The following INTU variants were observed in gnomAD, a reference collection of about 807,000 sequenced individuals.
INTU encodes the protein inturned planar cell polarity protein.
INTU carries 68 observed loss-of-function variants against 100.5 expected under a neutral mutation model. The ratio of observed to expected loss-of-function variants is 0.68; its 90% CI spans 0.56 to 0.83. The LOEUF (loss-of-function observed/expected upper bound fraction) is 0.83, where lower values mean the gene tolerates loss of function less well. INTU is among the 40% of genes least tolerant of loss of function. The pLI, the probability that INTU is intolerant of heterozygous loss-of-function variation, is 0.00. For synonymous variants in INTU, 357 were observed against 395.7 expected (o/e 0.90, Z 1.16); for missense variants, 1,071 against 1,114.7 (o/e 0.96, Z 0.56).
At chr4:127,657,289 T>G (rs1728275845) in intron 3 of INTU, among the ~76,000 whole-genome samples, 1 of 152,212 alleles carries the variant, frequency 6.6e-6, no homozygotes, top group Non-Finnish European at 1.5e-5. Flanking sequence ...ATTGACATTG[T>G]GTATCGTAGA....
chr4:127,716,473 G>T lies in INTU; in HGVS notation c.*37G>T. The T allele has an allele frequency of 1.1e-6, 1 of 939,370 alleles. No individual in the cohort carries two copies. The allele number at this position is 939,370 out of a possible 1,614,324, so 58.2% of individuals were successfully genotyped here. A position where few individuals can be genotyped will look rare whatever the true frequency, so the allele number is the denominator to read the frequency against. ...TGATGCGTAGAAACACGTGCATGGA[G>T]GATCAAACACTGTCAGAATTGCTGA... On this transcript the variant is annotated 3_prime_UTR_variant, in exon 16 of 16. Transcript: ENST00000335251.
chr4:127,676,880 C>T (rs1173069070), intron 6 of INTU, among the ~76,000 whole-genome samples: 2 of 152,114 alleles, frequency 1.3e-5, no homozygotes, highest in Admixed American at 6.5e-5. Context: ...CCTGGAAAAT[C>T]GGGTCACTCC....
At chr4:127,645,038 G>A (rs971146507) in intron 2 of INTU, among the ~76,000 whole-genome samples, 3 of 152,216 alleles carry the variant, frequency 2.0e-5, no homozygotes, top group Non-Finnish European at 4.4e-5. Context: ...GCTCCTCACT[G>A]TCTGATAAGT....
rs1373833676 is a variant in INTU at position 127,684,501 on chromosome 4, A to C, written c.1259+15A>C. 6.7e-6 allele frequency: 9 copies of C among 1,344,034 alleles called. No homozygotes were observed. The Admixed American group carries it at 1.8e-4, about 27-fold the overall frequency. The allele number at this position is 1,344,034 out of a possible 1,614,324, so 83.3% of individuals were successfully genotyped here. On this transcript the variant is annotated intron_variant, in intron 7 of 15. Coordinates refer to ENST00000335251, the MANE Select transcript of INTU (RefSeq NM_015693.4). Reference sequence around the variant, plus strand: ...TCTTTAGATAGGTAAGTACTTCTTCAAATTGAATCTCAAGTTTTAATTATG... The same window carrying C: ...TCTTTAGATAGGTAAGTACTTCTTCCAATTGAATCTCAAGTTTTAATTATG...
At chr4:127,641,595 T>C (rs1424320592) in intron 1 of INTU, among the ~76,000 whole-genome samples, 1 of 152,080 alleles carries the variant, frequency 6.6e-6, no homozygotes, top group Non-Finnish European at 1.5e-5. Context: ...GACTCTCCCG[T>C]ATGGCTAAGC....
At chr4:127,677,422 A>G (rs1411991523) in intron 6 of INTU, among the ~76,000 whole-genome samples, 5 of 150,264 alleles carry the variant, frequency 3.3e-5, no homozygotes, top group Admixed American at 1.3e-4. Context: ...GAACGATCAG[A>G]CAGCAGCATT....
In INTU at chr4:127,723,443, C is replaced by T. The variant is rs1731376027; in HGVS notation, c.*7007C>T. The T allele has an allele frequency of 7.0e-6, 1 of 142,136 alleles. No individual in the cohort carries two copies. The highest frequency in any genetic ancestry group is 1.5e-5 in the Non-Finnish European group (1 of 66,474). 8.8% of individuals were successfully genotyped at this position (142,136 alleles called of 1,614,324 possible). A position where few individuals can be genotyped will look rare whatever the true frequency, so the allele number is the denominator to read the frequency against. The stretch of plus-strand genomic sequence containing the variant: ...TGGTCACCTCCTAAATTAGTAATGT[C>T]CAAGTACTTATTCCTTATCAGATAC... On this transcript the variant is annotated 3_prime_UTR_variant, in exon 16 of 16. Coordinates refer to ENST00000335251, the MANE Select transcript of INTU (RefSeq NM_015693.4).
chr4:127,687,817 T>C lies in INTU; in HGVS notation c.1399T>C (p.Leu467=), dbSNP rs1175924165. 2 of 1,606,458 alleles carry C rather than the reference T, an allele frequency of 1.2e-6. No individual in the cohort carries two copies. The highest frequency in any genetic ancestry group is 1.7e-6 in the Non-Finnish European group (2 of 1,175,200). ...QQYDASSAVL[L]DNLPGVRWLT... ...GTACGATGCTTCCAGTGCAGTACTT[T>C]TAGACAACCTCCCTGGAGTCCGGTG... The change falls in exon 8 of 16, where the codon TTA becomes CTA. Residue 467 remains leucine (L), a synonymous_variant. Coordinates refer to ENST00000335251, the MANE Select transcript of INTU (RefSeq NM_015693.4).
In INTU at chr4:127,705,658, AT is replaced by A; in HGVS notation, c.1636del (p.Cys546AlafsTer5). The A allele has an allele frequency of 6.2e-7, 1 of 1,613,946 alleles. No homozygotes were observed. Among genetic ancestry groups the A allele is most frequent in the South Asian group, 1.1e-5 (1 of 91,084 alleles). ...GATATTGCCGTATACTGTCGCCACT[AT>A]TGCCTGCTGCCTTTAGCAGCAAAAC... is the stretch of plus-strand genomic sequence containing the variant. ...LIDIAVYCRH[Y>X]CLLPLAAKQR... On this transcript the variant is annotated frameshift_variant, in exon 11 of 16. Coordinates refer to ENST00000335251, the MANE Select transcript of INTU (RefSeq NM_015693.4). LOFTEE classifies it high-confidence loss of function.
chr4:127,670,735 CA>C, intron 5 of INTU, among the ~76,000 whole-genome samples: 1 of 151,894 alleles, frequency 6.6e-6, no homozygotes, highest in Non-Finnish European at 1.5e-5. Context: ...TATAGTAACC[CA>C]AAACAGCATG....
chr4:127,666,383 G>A (rs567286355), intron 4 of INTU, among the ~76,000 whole-genome samples: 1 of 152,226 alleles, frequency 6.6e-6, no homozygotes, highest in East Asian at 1.9e-4. Context: ...ATCTTTGGGA[G>A]TCTTGTCATT....
intron 6 of INTU, among the ~76,000 whole-genome samples, chr4:127,675,586 G>C (rs1406471149): frequency 6.6e-6 from 1 of 152,182 alleles, no homozygotes; most frequent in Non-Finnish European, 1.5e-5. Context: ...AGGTAGTTCT[G>C]CCTCAAGGTC....
intron 1 of INTU, among the ~76,000 whole-genome samples, chr4:127,642,316 T>G (rs1355288204): frequency 6.6e-6 from 1 of 152,250 alleles, no homozygotes; most frequent in Non-Finnish European, 1.5e-5. Flanking sequence ...ATGTTAGTTT[T>G]GATATTTTCA....
Position 127,706,817 on chromosome 4 carries a change from C to A in INTU, c.2119C>A (p.Pro707Thr), listed in dbSNP as rs763126949. Reference protein sequence around the residue: ...FGDYSLKTRKPSPSCSSGGSD... With the variant: ...FGDYSLKTRKTSPSCSSGGSD... ...TGACTATTCCTTAAAGACACGCAAG[C>A]CTAGTCCTTCCTGTAGTAGTGGAGG... The change falls in exon 12 of 16, where the codon CCT becomes ACT. Residue 707 changes from proline (P) to threonine (T), a missense_variant. Physicochemically the swap from Pro to Thr is conservative, Grantham distance 38 (BLOSUM62 -1). Coordinates refer to ENST00000335251, the MANE Select transcript of INTU (RefSeq NM_015693.4). The A allele has an allele frequency of 6.2e-7, 1 of 1,614,098 alleles. No individual in the cohort carries two copies. Among genetic ancestry groups the A allele is most frequent in the South Asian group, 1.1e-5 (1 of 91,082 alleles).
intron 9 of INTU, among the ~76,000 whole-genome samples, chr4:127,703,586 TA>T (rs1730744642): frequency 1.3e-5 from 2 of 152,324 alleles, no homozygotes; most frequent in South Asian, 4.1e-4. Context: ...CAGTGTATCC[TA>T]AAACCTTTTA....
Position 127,706,954 on chromosome 4 carries a change from TG to T in INTU, c.2259del (p.Thr754ProfsTer21), listed in dbSNP as rs1166143958. The T allele has an allele frequency of 6.2e-7, 1 of 1,613,320 alleles. No homozygotes were observed. The highest frequency in any genetic ancestry group is 8.5e-7 in the Non-Finnish European group (1 of 1,179,594). The stretch of plus-strand genomic sequence containing the variant: ...AGGGCTCTGATGGTTTAGAAGAAAG[TG>T]GGACCTTGCTTAAGGTGTGTGCTTA... Reference protein sequence around the residue: ...SQGSDGLEESGTLLKVTKKKS... With the variant: ...SQGSDGLEESXTLLKVTKKKS... On this transcript the variant is annotated frameshift_variant, in exon 12 of 16. Transcript: ENST00000335251. LOFTEE classifies it high-confidence loss of function.
chr4:127,659,089 T>C (rs1387703242), intron 3 of INTU, among the ~76,000 whole-genome samples: 1 of 152,044 alleles, frequency 6.6e-6, no homozygotes, highest in Non-Finnish European at 1.5e-5. Flanking sequence ...TGACAGGAGG[T>C]AGAGCTCAGG....
At position 127,700,027 on chromosome 4, in the gene INTU, A is replaced by G; in HGVS notation, c.1467A>G (p.Ala489=). ...PLEIKMELDM[A]LSDLEAADFA... is the part of the protein sequence containing the mutation. The stretch of plus-strand genomic sequence containing the variant: ...TAACATAGATGGAATTAGACATGGC[A>G]TTAAGTGACTTGGAGGCTGCAGATT... Residue 489 remains alanine, a synonymous_variant, in exon 9 of 16, where the codon GCA becomes GCG. Coordinates refer to ENST00000335251, the MANE Select transcript of INTU (RefSeq NM_015693.4). The G allele has an allele frequency of 1.2e-6, 2 of 1,602,118 alleles. No homozygotes were observed. Among genetic ancestry groups the G allele is most frequent in the Non-Finnish European group, 1.7e-6 (2 of 1,174,626 alleles).
chr4:127,706,727 C>T lies in INTU; in HGVS notation c.2029C>T (p.Leu677Phe). Residue 677 changes from leucine to phenylalanine, a missense_variant, in exon 12 of 16, where the codon CTC (leucine) becomes TTC (phenylalanine). Transcript: ENST00000335251. ...KTDSLTTSPI[L>F]SRLQGTSKVA... Reference sequence around the variant, plus strand: ...AGATAGCTTGACCACTTCGCCTATTCTCAGTAGGCTACAAGGTACTTCCAA... The same window carrying T: ...AGATAGCTTGACCACTTCGCCTATTTTCAGTAGGCTACAAGGTACTTCCAA... The T allele has an allele frequency of 1.2e-6, 2 of 1,614,072 alleles. No homozygotes were observed. Among genetic ancestry groups the T allele is most frequent in the Non-Finnish European group, 1.7e-6 (2 of 1,179,972 alleles).
Sources: gnomAD v4.1 joint callset for allele counts (sites outside exome capture counted in the v4.1 genomes callset) on GRCh38, gnomAD v4.1.1 for gene constraint, MANE v1.5 for transcripts, NCBI Gene and HGNC (gene_info 2026-07-23, HGNC 2026-07-21) for gene names.